Variants in KMT5A observed in about 807,000 individuals in gnomAD.
KMT5A encodes the protein lysine methyltransferase 5A, also known as N-lysine methyltransferase KMT5A.
KMT5A carries 6 observed loss-of-function variants against 40.6 expected under a neutral mutation model. The ratio of observed to expected loss-of-function variants is 0.15; its 90% CI spans 0.08 to 0.29. The LOEUF (loss-of-function observed/expected upper bound fraction) is 0.29, where lower values mean the gene tolerates loss of function less well. KMT5A is among the 10% of genes least tolerant of loss of function. KMT5A has a pLI of 1.00. For synonymous variants in KMT5A, 153 were observed against 178.8 expected, an observed-to-expected ratio of 0.86 and a Z score of 1.15; for missense variants, 308 against 459.1, an observed-to-expected ratio of 0.67 and a Z score of 3.01.
rs756898085 is a variant in KMT5A at position 123,404,873 on chromosome 12, T to C, written c.658-11T>C. 2.5e-6 allele frequency: 4 copies of C among 1,609,412 alleles called. No homozygotes were observed. Among genetic ancestry groups the C allele is most frequent in the Non-Finnish European group, 3.4e-6 (4 of 1,178,148 alleles). On this transcript the variant is annotated splice_polypyrimidine_tract_variant and intron_variant, in intron 6 of 7. Coordinates refer to ENST00000402868, the MANE Select transcript of KMT5A (RefSeq NM_020382.7). The stretch of plus-strand genomic sequence containing the variant: ...TATTATGAACCAACACCCTCTCTTA[T>C]CACCTGACAGATTGACCTCATCGAT...
intron 5 of KMT5A, among the ~76,000 whole-genome samples, chr12:123,401,510 A>C (rs2139195715): frequency 6.6e-6 from 1 of 151,988 alleles, no homozygotes; most frequent in African/African-American, 2.4e-5. Flanking sequence ...ATTTATGTTT[A>C]AGGTTAATAT....
In KMT5A at chr12:123,390,038, C is replaced by T. The variant is rs117885828; in HGVS notation, c.132+484C>T. 4,206 of 466,564 alleles carry T rather than the reference C, an allele frequency of 9.0e-3. 85 individuals are homozygous for T. The highest frequency in any genetic ancestry group is 0.037 in the South Asian group (2,384 of 64,564). The allele number at this position is 466,564 out of a possible 1,614,324, so 28.9% of individuals were successfully genotyped here. A position where few individuals can be genotyped will look rare whatever the true frequency, so the allele number is the denominator to read the frequency against. ...CAGGTGCGGCTTGCGACAAAGTGGC[C>T]GCCCCGAATGCGCTGGCTGTGGCTC... On this transcript the variant is annotated intron_variant, in intron 2 of 7. Transcript: ENST00000402868.
intron 5 of KMT5A, 137 bp from the exon 6 acceptor site, chr12:123,403,436 T>C: frequency 1.3e-6 from 1 of 792,916 alleles, no homozygotes; most frequent in Non-Finnish European, 2.1e-6. Context: ...TGGGGACCCA[T>C]CATCCCCAGT....
intron 7 of KMT5A, among the ~76,000 whole-genome samples, chr12:123,405,568 GGA>G (rs987657810): frequency 2.2e-5 from 3 of 139,098 alleles, no homozygotes; most frequent in Admixed American, 8.0e-5. Context: ...CGCCCAAGCT[GGA>G]GTGCAGTGGC....
chr12:123,391,999 A>G (rs1003293237), intron 3 of KMT5A, among the ~76,000 whole-genome samples: 1 of 152,208 alleles, frequency 6.6e-6, no homozygotes, highest in African/African-American at 2.4e-5. Context: ...CACCTGAAAG[A>G]AGGAGGCTTA....
rs748249769 is a variant in KMT5A, at chr12:123,405,058, C to T, written c.832C>T (p.Leu278=). Residue 278 remains leucine, a synonymous_variant, in exon 7 of 8, where the codon CTG becomes TTG. Transcript: ENST00000402868. ...CTGCTACATGTACTATTTTCAGTATCTGAGCAAAACCTACTGGTGAGTCCA... is the reference window on the plus strand; with the variant it reads ...CTGCTACATGTACTATTTTCAGTATTTGAGCAAAACCTACTGGTGAGTCCA... ...TGCYMYYFQY[L]SKTYCVDATR... 3.7e-6 allele frequency: 6 copies of T among 1,613,262 alleles called. No individual in the cohort carries two copies. The South Asian group carries it at 6.6e-5, about 18-fold the overall frequency.
At chr12:123,396,533 C>T in intron 5 of KMT5A, 101 bp downstream of exon 5, 2 of 1,088,090 alleles carry the variant, frequency 1.8e-6, no homozygotes, top group Non-Finnish European at 2.7e-6. Flanking sequence ...TTGTTTTCGT[C>T]ATCTTGGAGC....
Position 123,395,224 on chromosome 12 carries a change from C to A in KMT5A, c.467C>A (p.Ala156Asp). 1 of 1,613,640 alleles carries A rather than the reference C, an allele frequency of 6.2e-7. No homozygotes were observed. Among genetic ancestry groups the A allele is most frequent in the Non-Finnish European group, 8.5e-7 (1 of 1,179,864 alleles). The change falls in exon 4 of 8, where the codon GCC becomes GAC. Residue 156 changes from alanine (A) to aspartate (D), a missense_variant. By Grantham distance (126) the Ala-to-Asp change is moderately radical. This residue lies in a region of KMT5A where 127 missense variants were observed against 129.8 expected (regional missense o/e 0.98). Coordinates refer to ENST00000402868, the MANE Select transcript of KMT5A (RefSeq NM_020382.7). ...DSTNAAIAKQ[A>D]LKKPIKGKQA... is the part of the protein sequence containing the mutation. ...ACCAATGCAGCCATCGCCAAGCAAG[C>A]CCTGAAAAAGCCCATCAAGGGCAAA...
At chr12:123,397,389 G>A (rs2139183882) in intron 5 of KMT5A, among the ~76,000 whole-genome samples, 1 of 152,350 alleles carries the variant, frequency 6.6e-6, no homozygotes, top group South Asian at 2.1e-4. Flanking sequence ...ACACAGAGAG[G>A]TGGGGACCCC....
rs563372868 is a variant in KMT5A, at chr12:123,407,263, C to T, written c.849-230C>T. On this transcript the variant is annotated intron_variant, in intron 7 of 7. Transcript: ENST00000402868. ...CTGAGGTAGGAGGATGACTTGAGCCCGGGAGGTGGAGGCTGCAGTGAGCCG... is the reference window on the plus strand; with the variant it reads ...CTGAGGTAGGAGGATGACTTGAGCCTGGGAGGTGGAGGCTGCAGTGAGCCG... 2.2e-4 allele frequency among the ~76,000 whole-genome samples: 33 copies of T among 151,926 alleles called. 1 individual carries two copies. Among genetic ancestry groups the T allele is most frequent in the African/African-American group, 6.8e-4 (28 of 41,432 alleles).
rs80049567 is a variant in KMT5A at position 123,385,038 on chromosome 12, A to T, written c.10+830A>T. On this transcript the variant is annotated intron_variant, in intron 1 of 7. Coordinates refer to ENST00000402868, the MANE Select transcript of KMT5A (RefSeq NM_020382.7). ...GTGAAAGTTGAGTAGAATTAGTATT[A>T]AAAAAAAAAAAAAGTTTTGGTATTA... 2.8e-5 allele frequency among the ~76,000 whole-genome samples: 4 copies of T among 141,838 alleles called. No homozygotes were observed. In the South Asian group the frequency reaches 6.5e-4, roughly 23 times the overall value. The allele number at this position is 141,838 out of a possible 152,430, so 93.1% of individuals were successfully genotyped here.
At position 123,390,173 on chromosome 12, in the gene KMT5A, G is replaced by T. The variant is rs1220322729; in HGVS notation, c.133-457G>T. The T allele has an allele frequency of 2.8e-5, 13 of 462,646 alleles. No homozygotes were observed. In the East Asian group the frequency reaches 9.0e-4, roughly 32 times the overall value. 28.7% of individuals were successfully genotyped at this position (462,646 alleles called of 1,614,324 possible). On this transcript the variant is annotated intron_variant, in intron 2 of 7. Coordinates refer to ENST00000402868, the MANE Select transcript of KMT5A (RefSeq NM_020382.7). The stretch of plus-strand genomic sequence containing the variant: ...GGGGTCAGGCTCCGGCGCTCATGGG[G>T]CTCTGGCTGTGCTGACAGGCCCTCC...
intron 5 of KMT5A, among the ~76,000 whole-genome samples, chr12:123,398,974 G>T (rs773002628): frequency 6.6e-6 from 1 of 152,254 alleles, no homozygotes; most frequent in Admixed American, 6.5e-5. Flanking sequence ...GCGCCAGGGC[G>T]TGGGTCCTGG....
At chr12:123,395,590 C>CA (rs1209605626) in intron 4 of KMT5A, among the ~76,000 whole-genome samples, 1 of 145,434 alleles carries the variant, frequency 6.9e-6, no homozygotes, top group Non-Finnish European at 1.5e-5. Context: ...TTTTTTGAGA[C>CA]AGAGTCTCTT....
chr12:123,398,669 A>C (rs1177638258), intron 5 of KMT5A, among the ~76,000 whole-genome samples: 20 of 152,200 alleles, frequency 1.3e-4, no homozygotes. Context: ...CAGCCATGCA[A>C]GCTGTTGCTG....
chr12:123,397,529 A>C (rs991049756), intron 5 of KMT5A, among the ~76,000 whole-genome samples: 2 of 152,206 alleles, frequency 1.3e-5, no homozygotes, highest in Admixed American at 6.5e-5. Context: ...TCATTTAAAA[A>C]AAATTTTTAA....
At chr12:123,388,973 A>C (rs1478822547) in intron 1 of KMT5A, 1 of 141,718 alleles carries the variant, frequency 7.1e-6, no homozygotes, top group Non-Finnish European at 1.6e-5. Context: ...AGGGCTGCGG[A>C]GGACGCGCCG....
chr12:123,384,599 C>G lies in KMT5A; in HGVS notation c.10+391C>G, dbSNP rs1566069835. Among the ~76,000 whole-genome samples, 1 of 152,244 alleles carries G rather than the reference C, an allele frequency of 6.6e-6. No homozygotes were observed. Among genetic ancestry groups the G allele is most frequent in the Non-Finnish European group, 1.5e-5 (1 of 68,036 alleles). On this transcript the variant is annotated intron_variant, in intron 1 of 7. Transcript: ENST00000402868. This position sits in a 1 kb window ranked among gnomAD's most constrained non-coding sequence, Gnocchi z 5.7. ...CTTCGCCCACTTTGGGGCCCTCTCTCTTTGGGAAAGGAGGTGATCCCGAGG... is the reference window on the plus strand; with the variant it reads ...CTTCGCCCACTTTGGGGCCCTCTCTGTTTGGGAAAGGAGGTGATCCCGAGG...
Position 123,389,529 on chromosome 12 carries a change from GC to G in KMT5A, c.110del (p.Pro37ArgfsTer22). ...GGCCCGGAGATGGTGGAGCGGAGGG[GC>G]CCGGGGAGGCCCCGCACCGACGGGG... is the stretch of plus-strand genomic sequence containing the variant. ...APGPEMVERR[G>X]PGRPRTDGEN... On this transcript the variant is annotated frameshift_variant, in exon 2 of 8. Coordinates refer to ENST00000402868, the MANE Select transcript of KMT5A (RefSeq NM_020382.7). LOFTEE classifies it high-confidence loss of function. 9.0e-7 allele frequency: 1 copy of G among 1,109,114 alleles called. No homozygotes were observed. The highest frequency in any genetic ancestry group is 1.1e-6 in the Non-Finnish European group (1 of 913,244). 68.7% of individuals were successfully genotyped at this position (1,109,114 alleles called of 1,614,324 possible).
Sources: gnomAD v4.1 joint callset for allele counts (sites outside exome capture counted in the v4.1 genomes callset) on GRCh38, gnomAD v4.1.1 for gene constraint, gnomAD v4.1.1 regional missense constraint, Gnocchi (gnomAD v3.1) non-coding constraint, MANE v1.5 for transcripts, NCBI Gene and HGNC (gene_info 2026-07-23, HGNC 2026-07-21) for gene names.